CDC27: variants seen among roughly 807,000 people sequenced by gnomAD.
The protein encoded by CDC27 is cell division cycle protein 27 homolog.
CDC27 carries 27 observed loss-of-function variants against 109.7 expected under a neutral mutation model. The observed-to-expected ratio is 0.25, with a 90% confidence interval of 0.18 to 0.34. The LOEUF (loss-of-function observed/expected upper bound fraction) is 0.34, where lower values mean the gene tolerates loss of function less well. Ranked by LOEUF, CDC27 falls within the 10% of genes least tolerant of loss-of-function variation. CDC27 has a pLI of 1.00. For missense variants in CDC27, 579 were observed against 960.2 expected (o/e 0.60, Z 5.25); for synonymous variants, 266 against 333.9 (o/e 0.80, Z 2.22).
Position 47,164,375 on chromosome 17 carries a change from T to A in CDC27, c.377+5542A>T, listed in dbSNP as rs1477195883. Among the ~76,000 whole-genome samples, 4 of 152,248 alleles carry A rather than the reference T, an allele frequency of 2.6e-5. No homozygotes were observed. In the East Asian group the frequency reaches 7.7e-4, roughly 29 times the overall value. On this transcript the variant is annotated intron_variant, in intron 4 of 18. Transcript: ENST00000066544. ...ATTTGTGATTTTAACTTAATTTTTT[T>A]AAACTTTACTTTGGAATAATTTTAG...
In CDC27 at chr17:47,122,430, T is replaced by C. The variant is rs373060646; in HGVS notation, c.2392+14A>G. The C allele has an allele frequency of 2.2e-5, 33 of 1,515,138 alleles. No individual in the cohort carries two copies. Among genetic ancestry groups the C allele is most frequent in the East Asian group, 4.7e-5 (2 of 42,776 alleles). The allele number at this position is 1,515,138 out of a possible 1,614,324, so 93.9% of individuals were successfully genotyped here. A position where few individuals can be genotyped will look rare whatever the true frequency, so the allele number is the denominator to read the frequency against. ...AACTTTCTAAATACTCAAAATCATA[T>C]GTATGATACTTACTGATCTGTTCTT... On this transcript the variant is annotated intron_variant, in intron 18 of 18. Coordinates refer to ENST00000066544, the MANE Select transcript of CDC27 (RefSeq NM_001256.6).
rs577784847 is a variant in CDC27 at position 47,142,188 on chromosome 17, A to G, written c.1378+41T>C. The G allele has an allele frequency of 9.5e-6, 12 of 1,267,888 alleles. No homozygotes were observed. The South Asian group carries it at 1.4e-4, about 15-fold the overall frequency. The allele number at this position is 1,267,888 out of a possible 1,614,324, so 78.5% of individuals were successfully genotyped here. On this transcript the variant is annotated intron_variant, in intron 11 of 18. Coordinates refer to ENST00000066544, the MANE Select transcript of CDC27 (RefSeq NM_001256.6). ...AAAGAAATTTACTTAAAATAAGTAC[A>G]TAATAAAATACAAAGATAATATTAA...
intron 15 of CDC27, among the ~76,000 whole-genome samples, chr17:47,131,508 G>A (rs994872327): frequency 6.6e-6 from 1 of 151,974 alleles, no homozygotes; most frequent in East Asian, 1.9e-4. Context: ...AAACTTGCTA[G>A]GGGGAAAAAA....
At chr17:47,159,520 C>A in intron 4 of CDC27, 1 of 518,750 alleles carries the variant, frequency 1.9e-6, no homozygotes, top group South Asian at 2.5e-5. Flanking sequence ...AGTGGCCTGT[C>A]ACCTTGCAAG....
At chr17:47,186,817 A>G (rs1287669044) in intron 1 of CDC27, among the ~76,000 whole-genome samples, 1 of 152,224 alleles carries the variant, frequency 6.6e-6, no homozygotes, top group Non-Finnish European at 1.5e-5. Context: ...TCCTATGCCT[A>G]GTAATACCAT....
Position 47,154,684 on chromosome 17 carries a change from G to A in CDC27, c.945C>T (p.Ala315=). 6.4e-7 allele frequency: 1 copy of A among 1,570,044 alleles called. No individual in the cohort carries two copies. The highest frequency in any genetic ancestry group is 8.7e-7 in the Non-Finnish European group (1 of 1,144,520). ...ACATGGAAAATACCTTTTTTGAAGGGGCTCCGGTGGATGGCACATCAATTA... is the reference window on the plus strand; with the variant it reads ...ACATGGAAAATACCTTTTTTGAAGGAGCTCCGGTGGATGGCACATCAATTA... The part of the protein sequence containing the change: ...PPVIDVPSTG[A]PSKKSVARIG... Residue 315 remains alanine (A), a synonymous_variant, in exon 8 of 19, where the codon GCC becomes GCT. Coordinates refer to ENST00000066544, the MANE Select transcript of CDC27 (RefSeq NM_001256.6).
intron 7 of CDC27, 68 bp downstream of exon 7, chr17:47,156,845 T>A: frequency 1.9e-6 from 1 of 533,750 alleles, no homozygotes; most frequent in East Asian, 3.0e-5. Context: ...TCTGCATTAC[T>A]AACAATATGA....
intron 4 of CDC27, among the ~76,000 whole-genome samples, chr17:47,169,149 C>A (rs569678843): frequency 6.6e-6 from 1 of 151,912 alleles, no homozygotes; most frequent in South Asian, 2.1e-4. Context: ...TGCCACCACA[C>A]CCAGCTAATT....
chr17:47,133,681 G>T (rs111797798), intron 14 of CDC27, among the ~76,000 whole-genome samples: 1 of 150,506 alleles, frequency 6.6e-6, no homozygotes, highest in African/African-American at 2.5e-5. Context: ...CAGGTGATCC[G>T]CCCGCCTCGG....
chr17:47,139,848 C>T (rs144346344), intron 12 of CDC27: 6 of 152,184 alleles, frequency 3.9e-5, no homozygotes, highest in African/African-American at 1.4e-4. Context: ...TTTTTTTCCT[C>T]ATCACATTCA....
At position 47,120,915 on chromosome 17, in the gene CDC27, A is replaced by G. The variant is rs1383225823; in HGVS notation, c.*20T>C. On this transcript the variant is annotated 3_prime_UTR_variant, in exon 19 of 19. Coordinates refer to ENST00000066544, the MANE Select transcript of CDC27 (RefSeq NM_001256.6). ...CAGCACTAGTCACACATCCAGTTGTAAAAGTCTGATTTCCAGAAGTTAAAA... is the reference window on the plus strand; with the variant it reads ...CAGCACTAGTCACACATCCAGTTGTGAAAGTCTGATTTCCAGAAGTTAAAA... 3 of 1,582,630 alleles carry G rather than the reference A, an allele frequency of 1.9e-6. No individual in the cohort carries two copies. The Admixed American group carries it at 5.0e-5, about 27-fold the overall frequency.
intron 11 of CDC27, 39 bp from the exon 12 acceptor site, chr17:47,142,064 A>C (rs1184867083): frequency 1.4e-6 from 2 of 1,435,808 alleles, no homozygotes; most frequent in Non-Finnish European, 1.9e-6. Context: ...GAAAAAACGC[A>C]ATAAACTAGT....
Position 47,121,018 on chromosome 17 carries a change from CT to C in CDC27, c.2393-2del. ...CTCTCCTGGGATTCATCTGTTCCCA[CT>C]TTAAAAATAAAACAGAAGTCCACAG... On this transcript the variant is annotated splice_acceptor_variant, in intron 18 of 18. Coordinates refer to ENST00000066544, the MANE Select transcript of CDC27 (RefSeq NM_001256.6). LOFTEE classifies it high-confidence loss of function. The C allele has an allele frequency of 1.9e-6, 3 of 1,605,148 alleles. No individual in the cohort carries two copies. The highest frequency in any genetic ancestry group is 8.5e-7 in the Non-Finnish European group (1 of 1,173,372).
chr17:47,140,832 T>C (rs1363983228), intron 12 of CDC27, among the ~76,000 whole-genome samples: 1 of 152,238 alleles, frequency 6.6e-6, no homozygotes, highest in African/African-American at 2.4e-5. Flanking sequence ...AATTAAATTA[T>C]ATGAATAGGT....
intron 14 of CDC27, among the ~76,000 whole-genome samples, chr17:47,133,852 G>A (rs1050192903): frequency 6.6e-6 from 1 of 151,890 alleles, no homozygotes; most frequent in Non-Finnish European, 1.5e-5. Flanking sequence ...GGGTTCAAGC[G>A]ATTTTCGTGC....
chr17:47,126,349 C>T (rs897647302), intron 16 of CDC27, among the ~76,000 whole-genome samples: 3 of 152,008 alleles, frequency 2.0e-5, no homozygotes, highest in Admixed American at 6.6e-5. Flanking sequence ...CATAATTCAG[C>T]GAAGCCCCAA....
rs568014212 is a variant in CDC27, at chr17:47,147,354, G to T, written c.1071-3372C>A. On this transcript the variant is annotated intron_variant, in intron 9 of 18. Transcript: ENST00000066544. ...GCGGAGCTTGCAGTGAGTCGAGATCGCGCCACTGCACTCCAGCCTGGGCGA... is the reference window on the plus strand; with the variant it reads ...GCGGAGCTTGCAGTGAGTCGAGATCTCGCCACTGCACTCCAGCCTGGGCGA... 2.4e-3 allele frequency among the ~76,000 whole-genome samples: 364 copies of T among 151,010 alleles called. 1 individual carries two copies. The highest frequency in any genetic ancestry group is 4.2e-3 in the Non-Finnish European group (283 of 67,800).
chr17:47,182,302 C>G (rs916016653), intron 1 of CDC27, among the ~76,000 whole-genome samples: 6 of 152,098 alleles, frequency 3.9e-5, no homozygotes, highest in African/African-American at 1.4e-4. Flanking sequence ...TTTAGAATTA[C>G]AAAACATATA....
intron 7 of CDC27, among the ~76,000 whole-genome samples, chr17:47,155,323 G>A (rs1161198851): frequency 6.6e-6 from 1 of 152,116 alleles, no homozygotes; most frequent in Admixed American, 6.5e-5. Flanking sequence ...TCAGCTCACT[G>A]CAACCTCCAC....
Sources: allele counts gnomAD v4.1 joint callset (sites outside exome capture counted in the v4.1 genomes callset), GRCh38; gene constraint gnomAD v4.1.1; transcripts MANE v1.5; gene names NCBI Gene and HGNC (gene_info 2026-07-23, HGNC 2026-07-21).